Variants in OTUD7A observed in about 807,000 individuals in gnomAD.
OTUD7A encodes the protein OTU deubiquitinase 7A.
Under a neutral mutation model 65.7 loss-of-function variants are expected in OTUD7A, and 12 were observed. The ratio of observed to expected loss-of-function variants is 0.18; its 90% CI spans 0.12 to 0.30. OTUD7A has a LOEUF of 0.30. OTUD7A is among the 10% of genes least tolerant of loss of function. OTUD7A has a pLI of 1.00. For synonymous variants in OTUD7A, 641 were observed against 586.3 expected, an observed-to-expected ratio of 1.09 and a Z score of -1.35; for missense variants, 1,148 against 1,304.8, an observed-to-expected ratio of 0.88 and a Z score of 1.85.
At chr15:31,828,624 A>G (rs951837948) in intron 1 of OTUD7A, among the ~76,000 whole-genome samples, 4 of 152,212 alleles carry the variant, frequency 2.6e-5, no homozygotes, top group African/African-American at 9.6e-5. Flanking sequence ...ATGGAAGGAC[A>G]GTATGGAGAA....
At chr15:31,718,881 C>T (rs1893661837) in intron 1 of OTUD7A, among the ~76,000 whole-genome samples, 2 of 131,480 alleles carry the variant, frequency 1.5e-5, no homozygotes, top group African/African-American at 5.6e-5. Flanking sequence ...GAACTCAATA[C>T]ATGTATGCTG....
At chr15:31,864,580 A>G (rs1897829069) in intron 1 of OTUD7A, among the ~76,000 whole-genome samples, 1 of 152,152 alleles carries the variant, frequency 6.6e-6, no homozygotes, top group South Asian at 2.1e-4. Context: ...GACCAGCCCC[A>G]TGATTCAGTT....
chr15:31,861,846 G>C lies in OTUD7A; in HGVS notation c.-100+8661C>G, dbSNP rs1192512708. Among the ~76,000 whole-genome samples the C allele has an allele frequency of 2.0e-5, 3 of 152,328 alleles. No individual in the cohort carries two copies. In the East Asian group the frequency reaches 5.8e-4, roughly 29 times the overall value. ...AATAATCTAATGCTGTACTTGCAAA[G>C]GACCCACATCCTTCCTTGGGGGGAC... On this transcript the variant is annotated intron_variant, in intron 1 of 12. Transcript: ENST00000307050.
intron 4 of OTUD7A, among the ~76,000 whole-genome samples, 166 bp from the exon 5 acceptor site, chr15:31,559,353 T>C (rs531347991): frequency 7.9e-5 from 12 of 152,190 alleles, no homozygotes; most frequent in Non-Finnish European, 1.6e-4. Context: ...AAAATACATA[T>C]GTGCACACAT....
intron 1 of OTUD7A, among the ~76,000 whole-genome samples, chr15:31,710,922 T>C (rs1201193770): frequency 6.6e-6 from 1 of 152,092 alleles, no homozygotes; most frequent in Non-Finnish European, 1.5e-5. Context: ...TCCTCCCAGG[T>C]ATTCCCATGG....
intron 1 of OTUD7A, among the ~76,000 whole-genome samples, chr15:31,670,253 G>A (rs1358155925): frequency 6.6e-6 from 1 of 151,956 alleles, no homozygotes; most frequent in African/African-American, 2.4e-5. Context: ...ACACATGCAT[G>A]TATCTTTATA....
chr15:31,479,594 G>A lies in OTUD7A; in HGVS notation c.*3700C>T, dbSNP rs2041083353. The A allele has an allele frequency of 6.8e-6, 1 of 146,848 alleles. No homozygotes were observed. The highest frequency in any genetic ancestry group is 2.5e-5 in the African/African-American group (1 of 39,904). 9.1% of individuals were successfully genotyped at this position (146,848 alleles called of 1,614,324 possible). A position where few individuals can be genotyped will look rare whatever the true frequency, so the allele number is the denominator to read the frequency against. On this transcript the variant is annotated 3_prime_UTR_variant, in exon 13 of 13. Coordinates refer to ENST00000307050, the MANE Select transcript of OTUD7A (RefSeq NM_001382637.1). ...TACAGCCCTTTTATCTTAACCAATGGGAAGTATATTTTAAGTTTATTTTTG... is the reference window on the plus strand; with the variant it reads ...TACAGCCCTTTTATCTTAACCAATGAGAAGTATATTTTAAGTTTATTTTTG...
intron 1 of OTUD7A, among the ~76,000 whole-genome samples, chr15:31,658,073 G>T (rs1892045181): frequency 6.6e-6 from 1 of 152,114 alleles, no homozygotes; most frequent in South Asian, 2.1e-4. Context: ...ATCAGTCTCT[G>T]GGGCCAAAAT....
At chr15:31,759,504 T>C (rs16955876) in intron 1 of OTUD7A, among the ~76,000 whole-genome samples, 7,921 of 152,304 alleles carry the variant, frequency 0.052, 448 homozygotes, top group African/African-American at 0.14. Flanking sequence ...CCTCACCTAA[T>C]AGATCGTGGC....
At chr15:31,761,393 T>C (rs1894959531) in intron 1 of OTUD7A, among the ~76,000 whole-genome samples, 1 of 152,004 alleles carries the variant, frequency 6.6e-6, no homozygotes, top group Non-Finnish European at 1.5e-5. Context: ...AAAGAATACA[T>C]AAAACCAGTC....
intron 1 of OTUD7A, among the ~76,000 whole-genome samples, chr15:31,693,914 G>C (rs1337609393): frequency 6.6e-6 from 1 of 152,236 alleles, no homozygotes; most frequent in Non-Finnish European, 1.5e-5. Flanking sequence ...CAAAGGTCCT[G>C]GTGAAGATGA....
intron 3 of OTUD7A, among the ~76,000 whole-genome samples, chr15:31,610,594 TA>T (rs1890374677): frequency 2.0e-5 from 1 of 50,088 alleles, no homozygotes; most frequent in African/African-American, 9.4e-5. Context: ...AAAATGAAAT[TA>T]TATATATATA....
At chr15:31,663,635 T>C (rs1378264440) in intron 1 of OTUD7A, among the ~76,000 whole-genome samples, 1 of 152,180 alleles carries the variant, frequency 6.6e-6, no homozygotes, top group Non-Finnish European at 1.5e-5. Context: ...TATGGCTGCA[T>C]AGTATTCCAT....
intron 1 of OTUD7A, among the ~76,000 whole-genome samples, chr15:31,867,499 G>T (rs1229998427): frequency 6.6e-6 from 1 of 152,172 alleles, no homozygotes; most frequent in African/African-American, 2.4e-5. Context: ...ATAATTCAGT[G>T]CAAGGGGTCA....
chr15:31,850,668 G>A lies in OTUD7A; in HGVS notation c.-100+19839C>T, dbSNP rs1297211726. ...CCACCACAACCCTGATGCATACAAA[G>A]CACTTTTACAACCTTGCTGCAGGCA... On this transcript the variant is annotated intron_variant, in intron 1 of 12. Transcript: ENST00000307050. Among the ~76,000 whole-genome samples the A allele has an allele frequency of 3.9e-5, 6 of 152,214 alleles. No homozygotes were observed. In the Middle Eastern group the frequency reaches 0.01, roughly 259 times the overall value.
At chr15:31,601,427 CG>C (rs1222298442) in intron 3 of OTUD7A, among the ~76,000 whole-genome samples, 28 of 152,096 alleles carry the variant, frequency 1.8e-4, no homozygotes, top group African/African-American at 6.8e-4. Context: ...ACAGACGCAA[CG>C]TACCAGAATC....
intron 3 of OTUD7A, among the ~76,000 whole-genome samples, chr15:31,592,600 G>C (rs1411629163): frequency 6.6e-6 from 1 of 151,800 alleles, no homozygotes; most frequent in Non-Finnish European, 1.5e-5. Flanking sequence ...TATATAAGTA[G>C]GGCCGCGCGG....
chr15:31,514,708 A>C (rs530005964), intron 8 of OTUD7A, among the ~76,000 whole-genome samples: 6 of 152,284 alleles, frequency 3.9e-5, no homozygotes, highest in African/African-American at 1.4e-4. Context: ...TGTGTGGCTG[A>C]CATCTGGCTC....
At chr15:31,864,930 TATCA>T (rs1383560399) in intron 1 of OTUD7A, among the ~76,000 whole-genome samples, 1 of 152,172 alleles carries the variant, frequency 6.6e-6, no homozygotes, top group African/African-American at 2.4e-5. Context: ...TTGAACAACT[TATCA>T]ATCTAGAACT....
Sources: allele counts gnomAD v4.1 joint callset (sites outside exome capture counted in the v4.1 genomes callset), GRCh38; gene constraint gnomAD v4.1.1; transcripts MANE v1.5; gene names NCBI Gene and HGNC (gene_info 2026-07-23, HGNC 2026-07-21).